The following ZFPM2 variants were observed in gnomAD, a reference collection of about 807,000 sequenced individuals.
ZFPM2 encodes zinc finger protein ZFPM2.
In ZFPM2, 20 loss-of-function variants were observed where a neutral mutation model predicts 98.6. That is an observed-to-expected ratio of 0.20 (90% CI 0.14 to 0.29). The LOEUF (loss-of-function observed/expected upper bound fraction) is 0.29, where lower values mean the gene tolerates loss of function less well. Among genes scored for constraint, ZFPM2 ranks in the 10% least tolerant of loss-of-function variants. ZFPM2 has a pLI of 1.00. For synonymous variants in ZFPM2, 518 were observed against 502.7 expected (o/e 1.03, Z -0.41); for missense variants, 1,310 against 1,388.6 (o/e 0.94, Z 0.90).
chr8:105,360,968 T>C (rs1001366890), intron 1 of ZFPM2, among the ~76,000 whole-genome samples: 1 of 147,496 alleles, frequency 6.8e-6, no homozygotes, highest in Non-Finnish European at 1.5e-5. Context: ...GCATGATTTA[T>C]AGTCCTTTGA....
intron 1 of ZFPM2, among the ~76,000 whole-genome samples, chr8:105,330,904 G>C (rs1812220723): frequency 6.7e-6 from 1 of 150,110 alleles, no homozygotes; most frequent in Non-Finnish European, 1.5e-5. Context: ...CAGTTTTACA[G>C]TTAAAATATT....
rs139636394 is a variant in ZFPM2 at position 105,595,830 on chromosome 8, A to G, written c.420+34349A>G. 1.6e-4 allele frequency among the ~76,000 whole-genome samples: 24 copies of G among 152,190 alleles called. No individual in the cohort carries two copies. The East Asian group carries it at 4.1e-3, about 26-fold the overall frequency. On this transcript the variant is annotated intron_variant, in intron 4 of 7. Transcript: ENST00000407775. ...TGGTTTTAGCCATATGAATAGGCAC[A>G]TAACTTCTTAGAGCTTTTTAATCTA... is the stretch of plus-strand genomic sequence containing the variant.
intron 5 of ZFPM2, among the ~76,000 whole-genome samples, chr8:105,657,285 C>T (rs1454920893): frequency 1.3e-5 from 2 of 151,990 alleles, no homozygotes; most frequent in Non-Finnish European, 2.9e-5. Context: ...ACTAGAGGCG[C>T]CTGCCACCAC....
At chr8:105,792,007 G>T (rs1445108766) in intron 6 of ZFPM2, among the ~76,000 whole-genome samples, 1 of 151,988 alleles carries the variant, frequency 6.6e-6, no homozygotes, top group Non-Finnish European at 1.5e-5. Flanking sequence ...CTTGCTAGCG[G>T]TCTATCAATT....
intron 2 of ZFPM2, among the ~76,000 whole-genome samples, chr8:105,429,129 C>T (rs1431625903): frequency 6.6e-6 from 1 of 152,112 alleles, no homozygotes; most frequent in African/African-American, 2.4e-5. Context: ...ACTTTGCTTA[C>T]TATATATTTA....
chr8:105,364,099 C>G (rs1404856882), intron 1 of ZFPM2, among the ~76,000 whole-genome samples: 2 of 152,008 alleles, frequency 1.3e-5, no homozygotes, highest in African/African-American at 4.8e-5. Flanking sequence ...AGAATTCTGA[C>G]ACTAAATGGA....
intron 5 of ZFPM2, among the ~76,000 whole-genome samples, chr8:105,707,060 A>G (rs1361774907): frequency 6.6e-6 from 1 of 151,870 alleles, no homozygotes. Context: ...GGGCAACATA[A>G]GGAGACCTCA....
intron 4 of ZFPM2, among the ~76,000 whole-genome samples, chr8:105,576,799 A>G (rs528892779): frequency 1.3e-5 from 2 of 152,276 alleles, no homozygotes; most frequent in South Asian, 4.1e-4. Flanking sequence ...GACCCAAGCA[A>G]AACAGTTGGC....
intron 1 of ZFPM2, among the ~76,000 whole-genome samples, chr8:105,378,343 T>G (rs1810772613): frequency 6.6e-6 from 1 of 152,194 alleles, no homozygotes; most frequent in Admixed American, 6.5e-5. Context: ...AGACACATTT[T>G]TTTCTTATGA....
intron 3 of ZFPM2, among the ~76,000 whole-genome samples, chr8:105,554,715 G>T (rs1467863478): frequency 1.3e-5 from 2 of 152,120 alleles, no homozygotes; most frequent in East Asian, 3.9e-4. Flanking sequence ...TTGCAGCTAT[G>T]TCCTATGAAA....
chr8:105,734,704 T>C (rs1812028179), intron 5 of ZFPM2, among the ~76,000 whole-genome samples: 1 of 151,980 alleles, frequency 6.6e-6, no homozygotes, highest in African/African-American at 2.4e-5. Context: ...TCAGCAATTC[T>C]ACTTAGCAAA....
At chr8:105,749,357 G>T (rs1812423591) in intron 5 of ZFPM2, among the ~76,000 whole-genome samples, 1 of 152,044 alleles carries the variant, frequency 6.6e-6, no homozygotes, top group South Asian at 2.1e-4. Context: ...TGAGAGCAGA[G>T]AAAGATTTCT....
intron 4 of ZFPM2, among the ~76,000 whole-genome samples, chr8:105,593,211 T>C (rs2130768656): frequency 6.6e-6 from 1 of 152,220 alleles, no homozygotes; most frequent in East Asian, 1.9e-4. Context: ...TACACATAAA[T>C]TATGAGGTTC....
intron 5 of ZFPM2, among the ~76,000 whole-genome samples, chr8:105,707,701 G>T (rs1394483761): frequency 6.6e-6 from 1 of 152,190 alleles, no homozygotes; most frequent in African/African-American, 2.4e-5. Flanking sequence ...GTTTAGTCAG[G>T]TGACATTGTT....
At chr8:105,744,665 A>AG (rs5893758) in intron 5 of ZFPM2, among the ~76,000 whole-genome samples, 152,178 of 152,178 alleles carry the variant, frequency 1, 76,089 homozygotes, top group Non-Finnish European at 1. Flanking sequence ...GCTTCCTTGA[A>AG]GAGTGATGCC....
chr8:105,546,134 C>G (rs1488071683), intron 3 of ZFPM2, among the ~76,000 whole-genome samples: 4 of 152,084 alleles, frequency 2.6e-5, no homozygotes, highest in African/African-American at 9.7e-5. Context: ...TTTTCTGCCT[C>G]CCTTTTTCTT....
intron 4 of ZFPM2, among the ~76,000 whole-genome samples, chr8:105,630,468 T>C (rs1340128049): frequency 1.3e-5 from 2 of 152,200 alleles, no homozygotes; most frequent in Admixed American, 1.3e-4. Context: ...ATCTACTTAT[T>C]ATTTACTTTA....
chr8:105,399,378 G>A (rs1452101017), intron 1 of ZFPM2, among the ~76,000 whole-genome samples: 6 of 152,134 alleles, frequency 3.9e-5, no homozygotes, highest in Non-Finnish European at 7.4e-5. Flanking sequence ...GATGGTGAGA[G>A]GCAGTCAGGT....
chr8:105,438,015 C>A (rs1481180181), intron 2 of ZFPM2, among the ~76,000 whole-genome samples: 1 of 151,950 alleles, frequency 6.6e-6, no homozygotes, highest in African/African-American at 2.4e-5. Flanking sequence ...TGCACTCCAG[C>A]CTGGCAGGGA....
Sources: gnomAD v4.1 joint callset for allele counts (sites outside exome capture counted in the v4.1 genomes callset) on GRCh38, gnomAD v4.1.1 for gene constraint, MANE v1.5 for transcripts, NCBI Gene and HGNC (gene_info 2026-07-23, HGNC 2026-07-21) for gene names.